PER2: variants seen among roughly 807,000 people sequenced by gnomAD.
The protein encoded by PER2 is period circadian protein homolog 2.
PER2 carries 66 observed loss-of-function variants against 121.0 expected under a neutral mutation model. The observed-to-expected ratio is 0.55, with a 90% CI of 0.45 to 0.67. PER2 has a LOEUF of 0.67. PER2 is among the 30% of genes least tolerant of loss of function. The pLI is 0.00. For synonymous variants in PER2, 684 were observed against 659.9 expected, an observed-to-expected ratio of 1.04 and a Z score of -0.56; for missense variants, 1,521 against 1,635.0, an observed-to-expected ratio of 0.93 and a Z score of 1.20.
chr2:238,254,969 G>C (rs1695717529), intron 18 of PER2: 1 of 152,774 alleles, frequency 6.5e-6, no homozygotes, highest in Non-Finnish European at 1.5e-5. Flanking sequence ...TCTGATCCCT[G>C]TGCCAGCGTC....
intron 1 of PER2, among the ~76,000 whole-genome samples, chr2:238,286,016 C>A (rs1696772057): frequency 6.6e-6 from 1 of 152,198 alleles, no homozygotes; most frequent in South Asian, 2.1e-4. Context: ...CGCAGCCATC[C>A]AAATATGGAG....
chr2:238,293,490 C>T (rs13002160), upstream of PER2, among the ~76,000 whole-genome samples: 65,505 of 151,852 alleles, frequency 0.43, 16,889 homozygotes, highest in African/African-American at 0.73. Context: ...AAACCAAGGA[C>T]TTGGGAGGCT....
At chr2:238,256,643 G>T (rs1695770869) in intron 17 of PER2, among the ~76,000 whole-genome samples, 1 of 152,180 alleles carries the variant, frequency 6.6e-6, no homozygotes, top group Admixed American at 6.5e-5. Flanking sequence ...AATTAAAGGG[G>T]ATAAGATCTT....
Position 238,253,162 on chromosome 2 carries a change from G to A in PER2, c.2861C>T (p.Ser954Leu), listed in dbSNP as rs372781939. 80 of 1,595,930 alleles carry A rather than the reference G, an allele frequency of 5.0e-5. 1 individual carries two copies. In the South Asian group the frequency reaches 5.6e-4, roughly 11 times the overall value. Residue 954 changes from serine (S) to leucine (L), a missense_variant, in exon 19 of 23, where the codon TCG (serine) becomes TTG (leucine). Physicochemically the swap from Ser to Leu is moderately radical, Grantham distance 145 (BLOSUM62 -2). Transcript: ENST00000254657. This position sits in a 1 kb window ranked among gnomAD's most constrained non-coding sequence, Gnocchi z 5.6. The part of the protein sequence containing the change: ...ASQPEFPSRT[S>L]IPRQPCACPA... Reference sequence around the variant, plus strand: ...ACAAGCACATGGCTGTCTGGGGATCGAGGTCCGGCTGGGGAACTCAGGCTG... The same window carrying A: ...ACAAGCACATGGCTGTCTGGGGATCAAGGTCCGGCTGGGGAACTCAGGCTG...
At chr2:238,255,227 T>C (rs1182111487) in intron 18 of PER2, 1 of 287,572 alleles carries the variant, frequency 3.5e-6, no homozygotes, top group African/African-American at 2.2e-5. Flanking sequence ...GTCAGGAGGG[T>C]GCATCTCCTG....
chr2:238,279,323 A>G (rs1696558880), intron 1 of PER2, among the ~76,000 whole-genome samples: 1 of 152,122 alleles, frequency 6.6e-6, no homozygotes, highest in African/African-American at 2.4e-5. Context: ...CACCCAACAC[A>G]CAGCTTCCCA....
chr2:238,258,320 C>G lies in PER2; in HGVS notation c.1856G>C (p.Ser619Thr). ...GCTGACTGTGGCCTTCCGCTTATCA[C>G]TGGACCTTAGCGCTGGGACGTTTGC... ...FPANVPALRS[S>T]DKRKATVSPG... The change falls in exon 16 of 23, where the codon AGT becomes ACT. Residue 619 changes from serine to threonine, a missense_variant. Transcript: ENST00000254657. The G allele has an allele frequency of 6.2e-7, 1 of 1,614,240 alleles. No homozygotes were observed. The highest frequency in any genetic ancestry group is 2.2e-5 in the East Asian group (1 of 44,894).
At chr2:238,267,597 T>A (rs1044030891) in intron 8 of PER2, among the ~76,000 whole-genome samples, 3 of 151,872 alleles carry the variant, frequency 2.0e-5, no homozygotes, top group Non-Finnish European at 4.4e-5. Flanking sequence ...GAGGGAGGGA[T>A]GCCCAGCACT....
chr2:238,270,640 G>A (rs550924913), intron 6 of PER2, among the ~76,000 whole-genome samples: 3 of 152,378 alleles, frequency 2.0e-5, no homozygotes, highest in Non-Finnish European at 4.4e-5. Flanking sequence ...GGCACCGGCA[G>A]AGGCCCAGAG....
intron 9 of PER2, among the ~76,000 whole-genome samples, chr2:238,264,229 G>T (rs1448596724): frequency 1.3e-5 from 2 of 152,244 alleles, no homozygotes; most frequent in African/African-American, 4.8e-5. Flanking sequence ...ATCTCTGAAG[G>T]AAGAAAAGTC....
In PER2 at chr2:238,251,666, C is replaced by T. The variant is rs149350920; in HGVS notation, c.3207G>A (p.Ser1069=). The change falls in exon 20 of 23, where the codon TCG becomes TCA. Residue 1069 remains serine, a synonymous_variant. Transcript: ENST00000254657. The part of the protein sequence containing the change: ...LLLNEDLCSA[S]GSAASESLGS... The stretch of plus-strand genomic sequence containing the variant: ...CCAGAGACTCCGAAGCAGCAGAGCC[C>T]GAGGCTGAGCAGAGGTCCTCATTCA... The T allele has an allele frequency of 3.7e-5, 60 of 1,614,096 alleles. No individual in the cohort carries two copies. The highest frequency in any genetic ancestry group is 5.0e-5 in the Admixed American group (3 of 60,010).
At position 238,249,036 on chromosome 2, in the gene PER2, TCAGAAA is replaced by T. The variant is rs756498158; in HGVS notation, c.3618+20_3618+25del. On this transcript the variant is annotated intron_variant, in intron 22 of 22. Coordinates refer to ENST00000254657, the MANE Select transcript of PER2 (RefSeq NM_022817.3). ...CATCACAGAGCCTTTTAGGGCCATA[TCAGAAA>T]TCGAGTCCCGTGAGCTTACTGCCAC... is the stretch of plus-strand genomic sequence containing the variant. 3 of 1,612,056 alleles carry T rather than the reference TCAGAAA, an allele frequency of 1.9e-6. No individual in the cohort carries two copies. In the Admixed American group the frequency reaches 5.0e-5, roughly 27 times the overall value.
intron 8 of PER2, among the ~76,000 whole-genome samples, chr2:238,266,059 A>T (rs1296850531): frequency 1.3e-5 from 2 of 151,902 alleles, no homozygotes; most frequent in Non-Finnish European, 2.9e-5. Flanking sequence ...GTGTGCCACC[A>T]CGCCCAGCTA....
At chr2:238,277,626 A>C in intron 2 of PER2, 81 bp downstream of exon 2, 1 of 1,483,220 alleles carries the variant, frequency 6.7e-7, no homozygotes, top group South Asian at 1.2e-5. Flanking sequence ...TAAAGATTGC[A>C]AAAGCAATCA....
In PER2 at chr2:238,260,866, C is replaced by T. The variant is rs1308641841; in HGVS notation, c.1504G>A (p.Asp502Asn). ...CGTGAGTCCTCATGGCCGTTGCTGT[C>T]GCTGGAGGAGGTCTGGCTCATAAGG... is the stretch of plus-strand genomic sequence containing the variant. ...EHLMSQTSSS[D>N]SNGHEDSRRR... Residue 502 changes from aspartate to asparagine, a missense_variant, in exon 13 of 23, where the codon GAC becomes AAC. Transcript: ENST00000254657. 4 of 1,613,910 alleles carry T rather than the reference C, an allele frequency of 2.5e-6. No individual in the cohort carries two copies. The highest frequency in any genetic ancestry group is 1.3e-5 in the African/African-American group (1 of 74,918).
chr2:238,258,760 C>CCATACTCATGAAGCAG, intron 14 of PER2, 116 bp from the exon 15 acceptor site: 1 of 1,053,048 alleles, frequency 9.5e-7, no homozygotes, highest in Non-Finnish European at 1.4e-6. Flanking sequence ...GAATCTGCTT[C>CCATACTCATGAAGCAG]ATGAGTATGG....
chr2:238,293,596 G>A (rs554008080), upstream of PER2, among the ~76,000 whole-genome samples: 7 of 152,062 alleles, frequency 4.6e-5, no homozygotes, highest in East Asian at 5.8e-4. Context: ...TTAGCCGGGC[G>A]TGGTGGCACA....
the PER2 span, chr2:238,298,491 A>G: frequency 6.6e-6 from 1 of 151,884 alleles, no homozygotes; most frequent in Non-Finnish European, 1.5e-5. Flanking sequence ...GGGTCTCCAT[A>G]CCTCTGGTAA....
At chr2:238,278,061 T>C (rs1280009250) in intron 1 of PER2, 106 bp from the exon 2 acceptor site, 1 of 1,177,512 alleles carries the variant, frequency 8.5e-7, no homozygotes. Flanking sequence ...CTAATGAAAC[T>C]GCAGTCTCTT....
Sources: gnomAD v4.1 joint callset for allele counts (sites outside exome capture counted in the v4.1 genomes callset) on GRCh38, gnomAD v4.1.1 for gene constraint, Gnocchi (gnomAD v3.1) non-coding constraint, MANE v1.5 for transcripts, NCBI Gene and HGNC (gene_info 2026-07-23, HGNC 2026-07-21) for gene names.